HNRNPM: variants seen among roughly 807,000 people sequenced by gnomAD.
The protein encoded by HNRNPM is heterogeneous nuclear ribonucleoprotein M.
HNRNPM carries 11 observed loss-of-function variants against 73.1 expected under a neutral mutation model. The ratio of observed to expected loss-of-function variants is 0.15; its 90% CI spans 0.09 to 0.25. The LOEUF is 0.25. Ranked by LOEUF, HNRNPM falls within the 10% of genes least tolerant of loss-of-function variation. HNRNPM has a pLI of 1.00. For missense variants in HNRNPM, 789 were observed against 1,067.9 expected, an observed-to-expected ratio of 0.74 and a Z score of 3.64; for synonymous variants, 407 against 355.2, an observed-to-expected ratio of 1.15 and a Z score of -1.64.
chr19:8,480,062 C>T (rs1444742343), intron 12 of HNRNPM, among the ~76,000 whole-genome samples: 4 of 141,930 alleles, frequency 2.8e-5, no homozygotes, highest in African/African-American at 5.1e-5. Context: ...CATGAGCCAC[C>T]GCACCCGGCC....
intron 7 of HNRNPM, 134 bp from the exon 8 acceptor site, chr19:8,467,401 A>G (rs1253663673): frequency 6.1e-6 from 4 of 658,402 alleles, no homozygotes; most frequent in African/African-American, 1.8e-5. Context: ...TTGAAAGTAT[A>G]ATGAAGAATT....
intron 12 of HNRNPM, 97 bp downstream of exon 12, chr19:8,474,341 C>A: frequency 1.5e-6 from 1 of 686,208 alleles, no homozygotes; most frequent in Non-Finnish European, 2.4e-6. Context: ...TAAGTGGTTT[C>A]TCACTTCTGC....
Position 8,475,967 on chromosome 19 carries a change from T to A in HNRNPM, c.1120+1723T>A, listed in dbSNP as rs565678994. Among the ~76,000 whole-genome samples the A allele has an allele frequency of 4.0e-5, 6 of 149,972 alleles. No homozygotes were observed. In the South Asian group the frequency reaches 1.3e-3, roughly 32 times the overall value. ...GTCATTAGGGAATTTGAGTTGTTGC[T>A]GTGAGGAGTAGAGTGATGCAGTTTA... is the stretch of plus-strand genomic sequence containing the variant. On this transcript the variant is annotated intron_variant, in intron 12 of 15. Coordinates refer to ENST00000325495, the MANE Select transcript of HNRNPM (RefSeq NM_005968.5).
At position 8,460,430 on chromosome 19, in the gene HNRNPM, G is replaced by A. The variant is rs373665528; in HGVS notation, c.284-2099G>A. 4.6e-5 allele frequency among the ~76,000 whole-genome samples: 7 copies of A among 152,258 alleles called. No homozygotes were observed. The East Asian group carries it at 1.2e-3, about 25-fold the overall frequency. On this transcript the variant is annotated intron_variant, in intron 2 of 15. Coordinates refer to ENST00000325495, the MANE Select transcript of HNRNPM (RefSeq NM_005968.5). ...TCTCAGGGACAGCACTACTCATGCT[G>A]GACCCCCGGGTGACTGCTAAATGAT... is the stretch of plus-strand genomic sequence containing the variant.
At chr19:8,482,886 G>A in intron 12 of HNRNPM, 1 of 377,774 alleles carries the variant, frequency 2.6e-6, no homozygotes, top group Non-Finnish European at 4.7e-6. Context: ...GAATGCATAT[G>A]ACTCCTATCT....
intron 12 of HNRNPM, chr19:8,482,873 C>G: frequency 3.1e-6 from 1 of 321,500 alleles, no homozygotes; most frequent in South Asian, 4.6e-5. Flanking sequence ...GCTCTCAGTT[C>G]ATGAATGCAT....
At chr19:8,473,785 T>A in intron 11 of HNRNPM, 77 bp downstream of exon 11, 1 of 924,136 alleles carries the variant, frequency 1.1e-6, no homozygotes, top group Non-Finnish European at 1.7e-6. Context: ...TCTTTCTTGT[T>A]TAAACCCTGC....
At chr19:8,447,180 C>T (rs1448106447) in intron 1 of HNRNPM, among the ~76,000 whole-genome samples, 1 of 151,218 alleles carries the variant, frequency 6.6e-6, no homozygotes, top group African/African-American at 2.4e-5. Flanking sequence ...CTCAAAGTCT[C>T]AAAGTCTAGT....
At chr19:8,446,440 C>T (rs1385836246) in intron 1 of HNRNPM, among the ~76,000 whole-genome samples, 1 of 152,168 alleles carries the variant, frequency 6.6e-6, no homozygotes, top group Non-Finnish European at 1.5e-5. Context: ...GACAGGGTCT[C>T]CCTCTGTTAC....
intron 12 of HNRNPM, among the ~76,000 whole-genome samples, chr19:8,479,772 A>AAT (rs1491516635): frequency 0.055 from 2,317 of 41,796 alleles, 118 homozygotes; most frequent in African/African-American, 0.13. Context: ...AAAAAAAAAA[A>AAT]TTTTTTTTTT....
intron 15 of HNRNPM, chr19:8,487,901 C>A (rs1329673808): frequency 6.6e-6 from 1 of 152,438 alleles, no homozygotes; most frequent in African/African-American, 2.4e-5. Context: ...GCCCCCAGCC[C>A]CCACTTTTGC....
In HNRNPM at chr19:8,485,874, C is replaced by T. The variant is rs780384118; in HGVS notation, c.1446C>T (p.Gly482=). 1.4e-5 allele frequency: 23 copies of T among 1,604,086 alleles called. No homozygotes were observed. Among genetic ancestry groups the T allele is most frequent in the South Asian group, 5.5e-5 (5 of 91,052 alleles). ...MGQTMERIGS[G]VERMGAGMGF... ...AGACCATGGAGCGCATTGGCTCTGGCGTGGAGCGCATGGGTGCCGGCATGG... is the reference window on the plus strand; with the variant it reads ...AGACCATGGAGCGCATTGGCTCTGGTGTGGAGCGCATGGGTGCCGGCATGG... The change falls in exon 14 of 16, where the codon GGC becomes GGT. Residue 482 remains glycine (G), a synonymous_variant. Transcript: ENST00000325495.
At chr19:8,477,406 C>A (rs930084472) in intron 12 of HNRNPM, among the ~76,000 whole-genome samples, 3 of 152,034 alleles carry the variant, frequency 2.0e-5, no homozygotes, top group Non-Finnish European at 4.4e-5. Context: ...ACCTGTTATC[C>A]CAACACTTTG....
In HNRNPM at chr19:8,488,728, G is replaced by A; in HGVS notation, c.2067G>A (p.Gly689=). 1 of 1,614,066 alleles carries A rather than the reference G, an allele frequency of 6.2e-7. No homozygotes were observed. Among genetic ancestry groups the A allele is most frequent in the Non-Finnish European group, 8.5e-7 (1 of 1,179,970 alleles). The part of the protein sequence containing the change: ...VLYADIKMEN[G]KSKGCGVVKF... ...ACGCCGACATCAAGATGGAGAATGG[G>A]AAGTCCAAGGGGTGTGGCGTGGTTA... The change falls in exon 16 of 16, where the codon GGG becomes GGA. Residue 689 remains glycine, a synonymous_variant. Coordinates refer to ENST00000325495, the MANE Select transcript of HNRNPM (RefSeq NM_005968.5).
intron 9 of HNRNPM, 150 bp downstream of exon 9, chr19:8,468,984 T>TGAGCAGAGATTCACAACTTGAGGATA: frequency 1.5e-6 from 1 of 655,454 alleles, no homozygotes; most frequent in Admixed American, 2.5e-5. Context: ...GGGTGAGAAA[T>TGAGCAGAGATTCACAACTTGAGGATA]GAGCAGAGAT....
chr19:8,475,193 A>G (rs2145712979), intron 12 of HNRNPM, among the ~76,000 whole-genome samples: 1 of 152,354 alleles, frequency 6.6e-6, no homozygotes, highest in Non-Finnish European at 1.5e-5. Flanking sequence ...CTGCATGTGA[A>G]CCCAGGCTGT....
chr19:8,486,160 C>T lies in HNRNPM; in HGVS notation c.1732C>T (p.Arg578Cys). The change falls in exon 14 of 16, where the codon CGC becomes TGC. Residue 578 changes from arginine (R) to cysteine (C), a missense_variant. Transcript: ENST00000325495. ...LERMGANSLERMGLERMGANS... is the reference protein window; with the variant it reads ...LERMGANSLECMGLERMGANS... ...GCGCATGGGCGCCAACAGCCTCGAG[C>T]GCATGGGCCTGGAGCGCATGGGTGC... 7 of 1,605,154 alleles carry T rather than the reference C, an allele frequency of 4.4e-6. No individual in the cohort carries two copies. Among genetic ancestry groups the T allele is most frequent in the Non-Finnish European group, 5.9e-6 (7 of 1,179,086 alleles).
At chr19:8,463,366 T>C in intron 3 of HNRNPM, 131 bp from the exon 4 acceptor site, 1 of 1,082,810 alleles carries the variant, frequency 9.2e-7, no homozygotes, top group South Asian at 1.4e-5. Flanking sequence ...GAAGGGTTCA[T>C]TTTAAAAGAC....
intron 9 of HNRNPM, among the ~76,000 whole-genome samples, chr19:8,469,991 T>TA (rs1416266306): frequency 6.6e-6 from 1 of 152,248 alleles, no homozygotes; most frequent in Non-Finnish European, 1.5e-5. Flanking sequence ...TTCCTGGACA[T>TA]AACATACTCA....
Sources: gnomAD v4.1 joint callset for allele counts (sites outside exome capture counted in the v4.1 genomes callset) on GRCh38, gnomAD v4.1.1 for gene constraint, MANE v1.5 for transcripts, NCBI Gene and HGNC (gene_info 2026-07-23, HGNC 2026-07-21) for gene names.